Variants in PDE1C observed in about 807,000 individuals in gnomAD.
PDE1C encodes dual specificity calcium/calmodulin-dependent 3',5'-cyclic nucleotide phosphodiesterase 1C.
PDE1C carries 62 observed loss-of-function variants against 93.1 expected under a neutral mutation model. The ratio of observed to expected loss-of-function variants is 0.67; its 90% CI spans 0.54 to 0.82. The LOEUF (loss-of-function observed/expected upper bound fraction) is 0.82. Among genes scored for constraint, PDE1C ranks in the 40% least tolerant of loss-of-function variants. PDE1C has a pLI of 0.00. For synonymous variants in PDE1C, 325 were observed against 310.1 expected (o/e 1.05, Z -0.50); for missense variants, 742 against 884.6 (o/e 0.84, Z 2.04).
intron 2 of PDE1C, among the ~76,000 whole-genome samples, chr7:31,950,190 C>T (rs1807175921): frequency 6.6e-6 from 1 of 152,174 alleles, no homozygotes; most frequent in South Asian, 2.1e-4. Flanking sequence ...GAATATTTAT[C>T]AAAACTCTTT....
intron 2 of PDE1C, among the ~76,000 whole-genome samples, chr7:32,193,985 G>A (rs914679837): frequency 3.7e-5 from 5 of 136,960 alleles, no homozygotes; most frequent in Non-Finnish European, 6.1e-5. Context: ...CACAATCTCC[G>A]CTCACTCCAA....
chr7:32,414,410 A>C (rs1207071699), intron 1 of PDE1C, among the ~76,000 whole-genome samples: 1 of 152,202 alleles, frequency 6.6e-6, no homozygotes, highest in African/African-American at 2.4e-5. Flanking sequence ...AAATGTATAC[A>C]TATACAGTAT....
Position 31,970,159 on chromosome 7 carries a change from T to A in PDE1C, c.128+81395A>T, listed in dbSNP as rs7794054. Reference sequence around the variant, plus strand: ...AAGTATAATAATAATAAAATTTTTTTAAAAAAGAAAAAAGTGTCTAGAGAA... The same window carrying A: ...AAGTATAATAATAATAAAATTTTTTAAAAAAAGAAAAAAGTGTCTAGAGAA... On this transcript the variant is annotated intron_variant, in intron 2 of 17. Transcript: ENST00000396191. 8.8e-3 allele frequency among the ~76,000 whole-genome samples: 1,340 copies of A among 151,942 alleles called. 16 individuals are homozygous for A. The highest frequency in any genetic ancestry group is 0.023 in the African/African-American group (961 of 41,460).
intron 17 of PDE1C, among the ~76,000 whole-genome samples, chr7:31,762,020 T>C (rs1201740488): frequency 6.6e-6 from 1 of 152,220 alleles, no homozygotes; most frequent in Admixed American, 6.5e-5. Context: ...GCTCATTCAG[T>C]ATCAATTTCC....
At chr7:32,415,051 C>T (rs1785246137) in intron 1 of PDE1C, among the ~76,000 whole-genome samples, 2 of 152,150 alleles carry the variant, frequency 1.3e-5, no homozygotes, top group South Asian at 4.1e-4. Context: ...CACTTCTGGC[C>T]AGGCCCAGTG....
At chr7:31,942,317 T>C (rs1805967705) in intron 2 of PDE1C, among the ~76,000 whole-genome samples, 1 of 152,086 alleles carries the variant, frequency 6.6e-6, no homozygotes. Context: ...AGTTTCAGGG[T>C]CACTAGCTCC....
intron 1 of PDE1C, among the ~76,000 whole-genome samples, chr7:32,314,206 G>A (rs1200509143): frequency 6.6e-6 from 1 of 152,010 alleles, no homozygotes; most frequent in Non-Finnish European, 1.5e-5. Flanking sequence ...TAGAAAGCAA[G>A]ACAAAAATAT....
intron 1 of PDE1C, among the ~76,000 whole-genome samples, chr7:32,272,648 CTA>C (rs1811043943): frequency 3.9e-5 from 6 of 152,310 alleles, no homozygotes; most frequent in South Asian, 4.1e-4. Flanking sequence ...AAACAGAATT[CTA>C]TGTTTGGGTG....
chr7:32,318,154 G>T (rs1038837031), intron 1 of PDE1C, among the ~76,000 whole-genome samples: 2 of 152,118 alleles, frequency 1.3e-5, no homozygotes, highest in African/African-American at 4.8e-5. Flanking sequence ...TGACTGCAGT[G>T]CTCCTTAAGC....
At chr7:32,189,068 A>G (rs1804063721) in intron 2 of PDE1C, among the ~76,000 whole-genome samples, 1 of 152,210 alleles carries the variant, frequency 6.6e-6, no homozygotes, top group Non-Finnish European at 1.5e-5. Context: ...TGCACAGCCC[A>G]GAGATAATTT....
chr7:31,961,963 G>T lies in PDE1C; in HGVS notation c.129-81103C>A, dbSNP rs1481770328. ...TTAAGCCAGAGAGTTCAAATTTCCAGCCTCAAGACAAAACTTATAGCTAGT... is the reference window on the plus strand; with the variant it reads ...TTAAGCCAGAGAGTTCAAATTTCCATCCTCAAGACAAAACTTATAGCTAGT... On this transcript the variant is annotated intron_variant, in intron 2 of 17. Transcript: ENST00000396191. Among the ~76,000 whole-genome samples, 3 of 152,170 alleles carry T rather than the reference G, an allele frequency of 2.0e-5. No homozygotes were observed. The East Asian group carries it at 5.8e-4, about 29-fold the overall frequency.
chr7:32,202,587 C>T (rs1390340881), intron 2 of PDE1C, among the ~76,000 whole-genome samples: 1 of 152,166 alleles, frequency 6.6e-6, no homozygotes, highest in African/African-American at 2.4e-5. Context: ...TGCCTGATAA[C>T]AACTGTGTTT....
the PDE1C span, among the ~76,000 whole-genome samples, chr7:31,732,638 C>CTGTGTGTG: frequency 0.033 from 4,756 of 144,180 alleles, 113 homozygotes; most frequent in East Asian, 0.044. Context: ...TCCTCTCTTT[C>CTGTGTGTG]TGTGTGTGTG....
At chr7:31,666,841 T>C in the PDE1C span, among the ~76,000 whole-genome samples, 9 of 152,302 alleles carry the variant, frequency 5.9e-5, no homozygotes. Context: ...TTACCAGATG[T>C]ATGTTGTTTA....
intron 1 of PDE1C, among the ~76,000 whole-genome samples, chr7:32,387,729 G>A (rs1784665155): frequency 8.6e-6 from 1 of 116,414 alleles, no homozygotes; most frequent in Non-Finnish European, 1.7e-5. Flanking sequence ...GGGCAGAGGG[G>A]CTCCTCACTT....
chr7:32,205,631 T>C (rs573297105), intron 2 of PDE1C, among the ~76,000 whole-genome samples: 2 of 152,184 alleles, frequency 1.3e-5, no homozygotes, highest in Non-Finnish European at 2.9e-5. Flanking sequence ...TGGGTCTGCT[T>C]GTGCCCTGCA....
intron 2 of PDE1C, among the ~76,000 whole-genome samples, chr7:32,000,437 G>A (rs1025842331): frequency 6.6e-6 from 1 of 152,180 alleles, no homozygotes; most frequent in African/African-American, 2.4e-5. Context: ...GGAAAGGCTG[G>A]TGGGGTAGAA....
the PDE1C span, chr7:31,642,107 G>T: frequency 9.3e-7 from 1 of 1,069,842 alleles, no homozygotes; most frequent in Non-Finnish European, 1.4e-6. Flanking sequence ...GCACCTAGAG[G>T]GGTTGATCCA....
At chr7:32,171,639 A>C (rs1015169118) in intron 2 of PDE1C, among the ~76,000 whole-genome samples, 1 of 151,484 alleles carries the variant, frequency 6.6e-6, no homozygotes, top group Non-Finnish European at 1.5e-5. Context: ...ATAATACAAT[A>C]ACTATTTATT....
Sources: gnomAD v4.1 joint callset for allele counts (sites outside exome capture counted in the v4.1 genomes callset) on GRCh38, gnomAD v4.1.1 for gene constraint, MANE v1.5 for transcripts, NCBI Gene and HGNC (gene_info 2026-07-23, HGNC 2026-07-21) for gene names.